Variants in UBR2 observed in about 807,000 individuals in gnomAD.
UBR2 encodes E3 ubiquitin-protein ligase UBR2.
In UBR2, 92 loss-of-function variants were observed where a neutral mutation model predicts 247.9. The ratio of observed to expected loss-of-function variants is 0.37; its 90% confidence interval spans 0.31 to 0.44. The LOEUF (loss-of-function observed/expected upper bound fraction) is 0.44, where lower values mean the gene tolerates loss of function less well. Among genes scored for constraint, UBR2 ranks in the 20% least tolerant of loss-of-function variants. UBR2 has a pLI of 1.00. For missense variants in UBR2, 1,613 were observed against 2,112.6 expected, an observed-to-expected ratio of 0.76 and a Z score of 4.64; for synonymous variants, 672 against 693.5, an observed-to-expected ratio of 0.97 and a Z score of 0.49.
intron 7 of UBR2, among the ~76,000 whole-genome samples, chr6:42,607,716 T>G (rs1335073484): frequency 3.6e-5 from 5 of 139,206 alleles, no homozygotes; most frequent in Non-Finnish European, 6.2e-5. Flanking sequence ...CCAGCTGTTT[T>G]TTTTTTTTTT....
At chr6:42,647,164 G>T (rs1346466208) in intron 21 of UBR2, among the ~76,000 whole-genome samples, 1 of 152,084 alleles carries the variant, frequency 6.6e-6, no homozygotes, top group Admixed American at 6.6e-5. Context: ...ATCTAGTCAA[G>T]ATAAAAATTA....
chr6:42,645,328 T>C, intron 20 of UBR2, 138 bp from the exon 21 acceptor site: 2 of 801,102 alleles, frequency 2.5e-6, no homozygotes, highest in South Asian at 1.8e-5. Context: ...CCCTGGCTTA[T>C]TGCAGAACAG....
chr6:42,655,103 T>G lies in UBR2; in HGVS notation c.2770-518T>G, dbSNP rs192347547. Among the ~76,000 whole-genome samples, 35 of 152,334 alleles carry G rather than the reference T, an allele frequency of 2.3e-4. No individual in the cohort carries two copies. In the East Asian group the frequency reaches 6.5e-3, roughly 28 times the overall value. ...AGGATTTGCAATTGAAATTTCTTCC[T>G]CATTGAAGTAGAAAATTTTGTTTTT... is the stretch of plus-strand genomic sequence containing the variant. On this transcript the variant is annotated intron_variant, in intron 25 of 46. Coordinates refer to ENST00000372901, the MANE Select transcript of UBR2 (RefSeq NM_001363705.2).
chr6:42,664,905 G>T (rs558356695), intron 32 of UBR2, among the ~76,000 whole-genome samples: 3 of 152,006 alleles, frequency 2.0e-5, no homozygotes, highest in Non-Finnish European at 4.4e-5. Context: ...TCCCTTATTC[G>T]GCCTTAGTCA....
chr6:42,597,611 A>AG (rs1562295027), intron 4 of UBR2, among the ~76,000 whole-genome samples: 1 of 151,418 alleles, frequency 6.6e-6, no homozygotes, highest in East Asian at 1.9e-4. Flanking sequence ...AAAAAAAAAA[A>AG]AGTTTAAGAG....
At chr6:42,619,666 G>C (rs897494013) in intron 11 of UBR2, 1 of 153,958 alleles carries the variant, frequency 6.5e-6, no homozygotes, top group African/African-American at 2.4e-5. Flanking sequence ...AAGAGGCGGA[G>C]GTTGCAGTGA....
chr6:42,620,577 C>A (rs1462016307), intron 11 of UBR2, among the ~76,000 whole-genome samples: 1 of 150,100 alleles, frequency 6.7e-6, no homozygotes, highest in Non-Finnish European at 1.5e-5. Flanking sequence ...GTCAGTGCAA[C>A]CTCAGCCTCC....
chr6:42,600,052 C>G (rs1462353461), intron 4 of UBR2, among the ~76,000 whole-genome samples: 1 of 152,130 alleles, frequency 6.6e-6, no homozygotes, highest in Non-Finnish European at 1.5e-5. Flanking sequence ...ACTGCAGCCT[C>G]TAGTTTATTT....
At chr6:42,674,730 C>CA (rs1798627377) in intron 38 of UBR2, among the ~76,000 whole-genome samples, 1 of 151,398 alleles carries the variant, frequency 6.6e-6, no homozygotes, top group Non-Finnish European at 1.5e-5. Flanking sequence ...GACTGCACTC[C>CA]AGCCTGGATG....
chr6:42,586,132 A>T (rs577704513), intron 2 of UBR2, among the ~76,000 whole-genome samples: 2 of 152,232 alleles, frequency 1.3e-5, no homozygotes, highest in Non-Finnish European at 2.9e-5. Flanking sequence ...TGGAGGGCTA[A>T]ACTGGGTGGA....
At chr6:42,622,655 C>T (rs899874382) in intron 11 of UBR2, among the ~76,000 whole-genome samples, 8 of 151,952 alleles carry the variant, frequency 5.3e-5, no homozygotes, top group East Asian at 1.9e-4. Context: ...CTGCCCACCT[C>T]GGCCTCCCAA....
rs35416750 is a variant in UBR2 at position 42,658,826 on chromosome 6, T to TAAAAAAAAAAA, written c.3242+12_3242+22dup. On this transcript the variant is annotated splice_region_variant and intron_variant, in intron 29 of 46. Coordinates refer to ENST00000372901, the MANE Select transcript of UBR2 (RefSeq NM_001363705.2). ...AACCTCTGCTGTTCTTGATCATAGGTAAAAAAAAAAAAAAAAAAAATTAAT... is the reference window on the plus strand; with the variant it reads ...AACCTCTGCTGTTCTTGATCATAGGTAAAAAAAAAAAAAAAAAAAAAAAAAAAAAAATTAAT... 1 of 1,119,812 alleles carries TAAAAAAAAAAA rather than the reference T, an allele frequency of 8.9e-7. No homozygotes were observed. The highest frequency in any genetic ancestry group is 1.2e-6 in the Non-Finnish European group (1 of 860,700). The allele number at this position is 1,119,812 out of a possible 1,614,324, so 69.4% of individuals were successfully genotyped here.
chr6:42,645,267 C>T (rs1562351891), intron 20 of UBR2, among the ~76,000 whole-genome samples, 199 bp from the exon 21 acceptor site: 1 of 152,180 alleles, frequency 6.6e-6, no homozygotes, highest in South Asian at 2.1e-4. Context: ...CTAAAGCCTG[C>T]CCTCACGTTT....
At chr6:42,627,647 G>A (rs1048009868) in intron 11 of UBR2, among the ~76,000 whole-genome samples, 2 of 151,788 alleles carry the variant, frequency 1.3e-5, no homozygotes, top group East Asian at 1.9e-4. Flanking sequence ...ACAAGTGTGC[G>A]CCACTACACA....
At chr6:42,645,377 A>G in intron 20 of UBR2, 89 bp from the exon 21 acceptor site, 1 of 1,252,868 alleles carries the variant, frequency 8.0e-7, no homozygotes, top group Non-Finnish European at 1.1e-6. Context: ...TTAGAGAAAT[A>G]TAACATGCTG....
chr6:42,687,089 C>T (rs1398307736), intron 44 of UBR2, among the ~76,000 whole-genome samples: 2 of 152,104 alleles, frequency 1.3e-5, no homozygotes, highest in African/African-American at 2.4e-5. Context: ...GGGTGGCGGC[C>T]GGGCAGAGGC....
rs775291566 is a variant in UBR2 at position 42,691,211 on chromosome 6, T to TA, written c.*40dup. 2 of 1,602,530 alleles carry TA rather than the reference T, an allele frequency of 1.2e-6. No individual in the cohort carries two copies. The highest frequency in any genetic ancestry group is 4.5e-5 in the East Asian group (2 of 44,852). ...CAAAAAACACAAACTTGGATTTTTT[T>TA]AACCCAGTTGGCTTTTTAAGAAAGA... On this transcript the variant is annotated 3_prime_UTR_variant, in exon 47 of 47. Coordinates refer to ENST00000372901, the MANE Select transcript of UBR2 (RefSeq NM_001363705.2).
intron 2 of UBR2, among the ~76,000 whole-genome samples, chr6:42,576,522 CTTTTTT>C (rs58739895): frequency 7.0e-5 from 6 of 86,134 alleles, no homozygotes; most frequent in African/African-American, 2.4e-4. Context: ...GCCTTTCCCT[CTTTTTT>C]TTTTTTTTTT....
At chr6:42,631,159 T>C (rs1302589988) in intron 11 of UBR2, among the ~76,000 whole-genome samples, 3 of 152,174 alleles carry the variant, frequency 2.0e-5, no homozygotes, top group South Asian at 2.1e-4. Flanking sequence ...TCTTGACTTA[T>C]GCGAGGCCTG....
Sources: gnomAD v4.1 joint callset for allele counts (sites outside exome capture counted in the v4.1 genomes callset) on GRCh38, gnomAD v4.1.1 for gene constraint, MANE v1.5 for transcripts, NCBI Gene and HGNC (gene_info 2026-07-23, HGNC 2026-07-21) for gene names.